RAB7B: variants seen among roughly 807,000 people sequenced by gnomAD.
The protein encoded by RAB7B is RAB7B, member RAS oncogene family, also known as ras-related protein Rab-7b.
intron 4 of RAB7B, among the ~76,000 whole-genome samples, chr1:205,986,363 A>G (rs903989273): frequency 1.3e-5 from 2 of 152,206 alleles, no homozygotes; most frequent in Non-Finnish European, 2.9e-5. Context: ...GTTCCACTTT[A>G]TAGACAAAAA....
intron 4 of RAB7B, among the ~76,000 whole-genome samples, chr1:205,989,925 G>A (rs1490686849): frequency 6.6e-6 from 1 of 152,046 alleles, no homozygotes; most frequent in Non-Finnish European, 1.5e-5. Context: ...AGAGTAACTG[G>A]CAAAGCTTCC....
rs913338672 is a variant in RAB7B, at chr1:205,988,352, C to T, written c.397-2687G>A. 1.8e-4 allele frequency among the ~76,000 whole-genome samples: 27 copies of T among 151,240 alleles called. 1 individual carries two copies. Among genetic ancestry groups the T allele is most frequent in the African/African-American group, 5.8e-4 (24 of 41,154 alleles). ...CAAGCGATCCTCCCAGCTCAGCCTT[C>T]CGAGTAGTTCAGACTACAGGTGTGC... On this transcript the variant is annotated intron_variant, in intron 4 of 5. Coordinates refer to ENST00000617070, the MANE Select transcript of RAB7B (RefSeq NM_001164522.3).
chr1:205,977,724 G>A lies in RAB7B; in HGVS notation c.*1127C>T, dbSNP rs1660410397. 1 of 152,198 alleles carries A rather than the reference G, an allele frequency of 6.6e-6. No individual in the cohort carries two copies. Among genetic ancestry groups the A allele is most frequent in the Non-Finnish European group, 1.5e-5 (1 of 68,078 alleles). 9.4% of individuals were successfully genotyped at this position (152,198 alleles called of 1,614,324 possible). ...ATGGCAAGCTTGTTTTTGCCTCAGG[G>A]CTTTGGGTCTTGATGCTCCCTCTCC... On this transcript the variant is annotated 3_prime_UTR_variant, in exon 6 of 6. Transcript: ENST00000617070.
intron 5 of RAB7B, among the ~76,000 whole-genome samples, chr1:205,979,538 G>A (rs1660448427): frequency 1.3e-5 from 2 of 152,118 alleles, no homozygotes; most frequent in Admixed American, 1.3e-4. Flanking sequence ...TTCTCACCAA[G>A]AGCCTGCCCC....
At chr1:206,001,125 A>G (rs1660883501) in intron 1 of RAB7B, among the ~76,000 whole-genome samples, 1 of 152,112 alleles carries the variant, frequency 6.6e-6, no homozygotes, top group South Asian at 2.1e-4. Flanking sequence ...CCTCACTAGG[A>G]GCAACAAAGA....
intron 5 of RAB7B, among the ~76,000 whole-genome samples, chr1:205,979,200 C>T (rs1195491482): frequency 6.6e-6 from 1 of 152,170 alleles, no homozygotes; most frequent in Non-Finnish European, 1.5e-5. Flanking sequence ...CTATAACTTT[C>T]CATTCTCCAG....
At chr1:205,990,411 G>A (rs1224692009) in intron 4 of RAB7B, among the ~76,000 whole-genome samples, 1 of 152,182 alleles carries the variant, frequency 6.6e-6, no homozygotes, top group African/African-American at 2.4e-5. Context: ...CACACCTGAG[G>A]TATCTGAGGC....
intron 4 of RAB7B, among the ~76,000 whole-genome samples, chr1:205,988,246 TC>T (rs1424136891): frequency 0.69 from 72,261 of 105,162 alleles, 23,997 homozygotes; most frequent in East Asian, 0.8. Context: ...TTTTTTTTTT[TC>T]TTTTAGTGTC....
rs1427759230 is a variant in RAB7B at position 205,993,505 on chromosome 1, G to A, written c.95C>T (p.Thr32Met). The A allele has an allele frequency of 1.5e-5, 6 of 398,552 alleles. No individual in the cohort carries two copies. The highest frequency in any genetic ancestry group is 1.3e-4 in the South Asian group (1 of 7,852). The allele number at this position is 398,552 out of a possible 1,614,324, so 24.7% of individuals were successfully genotyped here. A position where few individuals can be genotyped will look rare whatever the true frequency, so the allele number is the denominator to read the frequency against. The change falls in exon 3 of 6, where the codon ACG becomes ATG. Residue 32 changes from threonine (T) to methionine (M), a missense_variant. By Grantham distance (81) the Thr-to-Met change is moderately conservative. Coordinates refer to ENST00000617070, the MANE Select transcript of RAB7B (RefSeq NM_001164522.3). ...TSLLHQYVHK[T>M]FYEEYQTTLG... ...TGTGGTCTGGTATTCCTCATAAAAC[G>A]TCTTGTGCACATATTGGTGAAGGAG...
intron 5 of RAB7B, 57 bp downstream of exon 5, chr1:205,985,483 G>A (rs1449140335): frequency 2.3e-5 from 9 of 398,244 alleles, no homozygotes; most frequent in Admixed American, 4.4e-5. Flanking sequence ...GGAAGCTCCC[G>A]AGACCCTCCC....
rs951223699 is a variant in RAB7B, at chr1:205,989,080, C to T, written c.396+3400G>A. On this transcript the variant is annotated intron_variant, in intron 4 of 5. Transcript: ENST00000617070. ...CTATCCTATTCCACCTCCCTACAAA[C>T]CCCTTCCCTGGGCCTACCTTGTTGA... Among the ~76,000 whole-genome samples the T allele has an allele frequency of 8.5e-5, 13 of 152,082 alleles. No individual in the cohort carries two copies. The East Asian group carries it at 1.5e-3, about 18-fold the overall frequency.
chr1:205,990,814 G>C (rs1660709223), intron 4 of RAB7B, among the ~76,000 whole-genome samples: 2 of 139,500 alleles, frequency 1.4e-5, no homozygotes, highest in African/African-American at 5.5e-5. Context: ...TTGAGATGAA[G>C]TCTCGCATTG....
chr1:205,978,777 C>T lies in RAB7B; in HGVS notation c.*74G>A. On this transcript the variant is annotated 3_prime_UTR_variant, in exon 6 of 6. Coordinates refer to ENST00000617070, the MANE Select transcript of RAB7B (RefSeq NM_001164522.3). ...CAGTGGGGCTGGAGGGGGATGGTCACCTGTTCTCAAGCCTGGGGTGACCAG... is the reference window on the plus strand; with the variant it reads ...CAGTGGGGCTGGAGGGGGATGGTCATCTGTTCTCAAGCCTGGGGTGACCAG... The T allele has an allele frequency of 2.5e-6, 1 of 398,210 alleles. No individual in the cohort carries two copies. The highest frequency in any genetic ancestry group is 4.4e-6 in the Non-Finnish European group (1 of 225,932). 24.7% of individuals were successfully genotyped at this position (398,210 alleles called of 1,614,324 possible).
rs1187405635 is a variant in RAB7B, at chr1:205,977,909, T to G, written c.*942A>C. The G allele has an allele frequency of 6.6e-6, 1 of 152,194 alleles. No individual in the cohort carries two copies. Among genetic ancestry groups the G allele is most frequent in the Non-Finnish European group, 1.5e-5 (1 of 68,034 alleles). The allele number at this position is 152,194 out of a possible 1,614,324, so 9.4% of individuals were successfully genotyped here. ...ACTCTATCCCATTACCCTGTTTCCC[T>G]TTGTTTATAGCACTTACCTGCTATT... On this transcript the variant is annotated 3_prime_UTR_variant, in exon 6 of 6. Transcript: ENST00000617070.
intron 4 of RAB7B, among the ~76,000 whole-genome samples, chr1:205,988,933 C>T (rs1660668561): frequency 6.6e-6 from 1 of 152,168 alleles, no homozygotes; most frequent in African/African-American, 2.4e-5. Context: ...TTCCCAGCCT[C>T]CCCTCTTGGG....
intron 5 of RAB7B, 127 bp downstream of exon 5, chr1:205,985,413 G>A: frequency 2.5e-6 from 1 of 396,586 alleles, no homozygotes; most frequent in Non-Finnish European, 4.4e-6. Flanking sequence ...CTAATTAACT[G>A]AGACGATGAG....
At chr1:205,982,361 T>C (rs956032858) in intron 5 of RAB7B, among the ~76,000 whole-genome samples, 81 of 152,314 alleles carry the variant, frequency 5.3e-4, no homozygotes, top group Non-Finnish European at 8.5e-4. Context: ...CCAAAGTCTC[T>C]TTAATTCACC....
intron 5 of RAB7B, among the ~76,000 whole-genome samples, chr1:205,984,633 C>G (rs1004153149): frequency 6.6e-6 from 1 of 152,186 alleles, no homozygotes; most frequent in Non-Finnish European, 1.5e-5. Context: ...TTCCAGGCAG[C>G]CTTCCATGGT....
intron 1 of RAB7B, among the ~76,000 whole-genome samples, chr1:205,994,964 A>C (rs1660785312): frequency 1.3e-5 from 2 of 152,158 alleles, no homozygotes; most frequent in Non-Finnish European, 2.9e-5. Flanking sequence ...TTAAGATCTA[A>C]ATAGAAAACA....
Sources: allele counts gnomAD v4.1 joint callset (sites outside exome capture counted in the v4.1 genomes callset), GRCh38; gene constraint gnomAD v4.1.1; transcripts MANE v1.5; gene names NCBI Gene and HGNC (gene_info 2026-07-23, HGNC 2026-07-21).